The following IGF1R variants were observed in gnomAD, a reference collection of about 807,000 sequenced individuals.
IGF1R encodes insulin like growth factor 1 receptor.
IGF1R carries 44 observed loss-of-function variants against 144.6 expected under a neutral mutation model. The ratio of observed to expected loss-of-function variants is 0.30; its 90% CI spans 0.24 to 0.39. IGF1R has a LOEUF of 0.39. IGF1R is among the 10% of genes least tolerant of loss of function. The pLI is 1.00. For synonymous variants in IGF1R, 795 were observed against 722.8 expected (o/e 1.10, Z -1.60); for missense variants, 1,355 against 1,833.7 (o/e 0.74, Z 4.77).
At chr15:98,888,415 G>T (rs2013742305) in intron 2 of IGF1R, among the ~76,000 whole-genome samples, 2 of 144,792 alleles carry the variant, frequency 1.4e-5, no homozygotes, top group African/African-American at 5.2e-5. Flanking sequence ...TCTTCAAGTG[G>T]GGGTTTGATG....
chr15:98,939,019 G>A (rs1221418387), intron 17 of IGF1R, among the ~76,000 whole-genome samples, 182 bp from the exon 18 acceptor site: 1 of 152,184 alleles, frequency 6.6e-6, no homozygotes, highest in African/African-American at 2.4e-5. Flanking sequence ...TAAGCTTGCG[G>A]GGAGCAAGCA....
intron 1 of IGF1R, among the ~76,000 whole-genome samples, chr15:98,680,606 C>G (rs1467283669): frequency 6.6e-6 from 1 of 152,098 alleles, no homozygotes; most frequent in Non-Finnish European, 1.5e-5. Flanking sequence ...GCTCTGTCAC[C>G]CAAGCTGGAG....
At chr15:98,930,504 A>C (rs1596463987) in intron 15 of IGF1R, among the ~76,000 whole-genome samples, 199 bp downstream of exon 15, 1 of 151,928 alleles carries the variant, frequency 6.6e-6, no homozygotes, top group South Asian at 2.1e-4. Flanking sequence ...ATATGTCAAA[A>C]CTTGTGGGAC....
At chr15:98,840,656 G>A (rs1481611320) in intron 2 of IGF1R, among the ~76,000 whole-genome samples, 2 of 150,140 alleles carry the variant, frequency 1.3e-5, no homozygotes, top group Non-Finnish European at 3.0e-5. Context: ...TTGTCCAGGC[G>A]GGGTTTTTGT....
At chr15:98,921,820 C>T (rs1326453545) in intron 10 of IGF1R, among the ~76,000 whole-genome samples, 1 of 152,104 alleles carries the variant, frequency 6.6e-6, no homozygotes, top group Non-Finnish European at 1.5e-5. Flanking sequence ...GGTCTGTGAC[C>T]AGATGGCCTG....
intron 19 of IGF1R, among the ~76,000 whole-genome samples, chr15:98,944,363 TA>T (rs1195599220): frequency 1.3e-5 from 2 of 152,230 alleles, no homozygotes; most frequent in African/African-American, 4.8e-5. Flanking sequence ...GCTACATAAC[TA>T]CTGTGAACCA....
At position 98,857,570 on chromosome 15, in the gene IGF1R, C is replaced by T. The variant is rs527237303; in HGVS notation, c.641-33755C>T. Among the ~76,000 whole-genome samples, 43 of 152,328 alleles carry T rather than the reference C, an allele frequency of 2.8e-4. No homozygotes were observed. The East Asian group carries it at 7.3e-3, about 26-fold the overall frequency. On this transcript the variant is annotated intron_variant, in intron 2 of 20. Transcript: ENST00000650285. ...CCCAAGGCTCACAGTTCCGTTCTTCCATCTAGTCTAGCACCGTCCAGTGGA... is the reference window on the plus strand; with the variant it reads ...CCCAAGGCTCACAGTTCCGTTCTTCTATCTAGTCTAGCACCGTCCAGTGGA...
chr15:98,764,579 T>G (rs1425557371), intron 2 of IGF1R, among the ~76,000 whole-genome samples: 1 of 152,206 alleles, frequency 6.6e-6, no homozygotes, highest in African/African-American at 2.4e-5. Context: ...ATAAGTACTG[T>G]GAAGCATTTT....
intron 2 of IGF1R, among the ~76,000 whole-genome samples, chr15:98,776,199 T>G (rs1288284018): frequency 6.6e-6 from 1 of 151,714 alleles, no homozygotes; most frequent in Non-Finnish European, 1.5e-5. Context: ...TTTATTTTTT[T>G]TTTGAGATGG....
chr15:98,806,528 C>T (rs936612129), intron 2 of IGF1R, among the ~76,000 whole-genome samples: 8 of 151,866 alleles, frequency 5.3e-5, no homozygotes, highest in African/African-American at 1.9e-4. Context: ...GTAGGAGACT[C>T]TCTCTCTCAT....
At chr15:98,655,948 C>G (rs2052475542) in intron 1 of IGF1R, among the ~76,000 whole-genome samples, 1 of 152,324 alleles carries the variant, frequency 6.6e-6, no homozygotes, top group South Asian at 2.1e-4. Context: ...TCACCTCGGC[C>G]TCCCGGAGGG....
intron 2 of IGF1R, among the ~76,000 whole-genome samples, chr15:98,800,749 AAC>A (rs762382826): frequency 2.7e-4 from 41 of 152,264 alleles, no homozygotes; most frequent in South Asian, 6.2e-4. Context: ...TGTCTTGGAA[AAC>A]ACCGGCACAA....
At position 98,690,442 on chromosome 15, in the gene IGF1R, C is replaced by T. The variant is rs1011183157; in HGVS notation, c.95-17120C>T. On this transcript the variant is annotated intron_variant, in intron 1 of 20. Coordinates refer to ENST00000650285, the MANE Select transcript of IGF1R (RefSeq NM_000875.5). ...TCCTCTCCTCTGACTCTTCCTTCTT[C>T]CCCCCTGCTTCCCAAGGGTAAGCTT... is the stretch of plus-strand genomic sequence containing the variant. 7.2e-5 allele frequency among the ~76,000 whole-genome samples: 11 copies of T among 152,224 alleles called. No homozygotes were observed. The Admixed American group carries it at 7.2e-4, about 10-fold the overall frequency.
intron 2 of IGF1R, among the ~76,000 whole-genome samples, chr15:98,860,369 G>A (rs1257224496): frequency 6.6e-6 from 1 of 152,238 alleles, no homozygotes; most frequent in East Asian, 1.9e-4. Context: ...TGAACTCCGT[G>A]AAAGCAGGAG....
In IGF1R at chr15:98,958,128, A is replaced by T; in HGVS notation, c.*686A>T. 1 of 233,638 alleles carries T rather than the reference A, an allele frequency of 4.3e-6. No individual in the cohort carries two copies. The highest frequency in any genetic ancestry group is 8.5e-6 in the Non-Finnish European group (1 of 118,146). The allele number at this position is 233,638 out of a possible 1,614,324, so 14.5% of individuals were successfully genotyped here. ...CAGCTGGTTGCTCCATTTGAGAGAC[A>T]CGCTGGCGACACACTCCGTCCATCC... On this transcript the variant is annotated 3_prime_UTR_variant, in exon 21 of 21. Coordinates refer to ENST00000650285, the MANE Select transcript of IGF1R (RefSeq NM_000875.5).
Position 98,828,799 on chromosome 15 carries a change from T to G in IGF1R, c.641-62526T>G, listed in dbSNP as rs2056948174. Among the ~76,000 whole-genome samples the G allele has an allele frequency of 5.3e-5, 8 of 151,720 alleles. No individual in the cohort carries two copies. In the South Asian group the frequency reaches 1.7e-3, roughly 32 times the overall value. ...GTTTTTTTTTTTTTTTTTTTCCTAT[T>G]TTGGAGTTTTTGGGTTTTTTAAGCC... On this transcript the variant is annotated intron_variant, in intron 2 of 20. Transcript: ENST00000650285.
intron 2 of IGF1R, among the ~76,000 whole-genome samples, chr15:98,733,360 A>G (rs1338281306): frequency 6.6e-6 from 1 of 152,070 alleles, no homozygotes; most frequent in Non-Finnish European, 1.5e-5. Flanking sequence ...GGTTGGGACT[A>G]TAGGTGCATA....
intron 2 of IGF1R, among the ~76,000 whole-genome samples, chr15:98,861,025 T>TTCCC (rs369235208): frequency 3.0e-3 from 452 of 151,950 alleles, no homozygotes; most frequent in African/African-American, 4.9e-3. Flanking sequence ...TTTCTTTTTC[T>TTCCC]TCCCTCCCTC....
At chr15:98,812,287 T>C (rs1412851450) in intron 2 of IGF1R, among the ~76,000 whole-genome samples, 2 of 152,124 alleles carry the variant, frequency 1.3e-5, no homozygotes, top group African/African-American at 4.8e-5. Flanking sequence ...CTTGAACTCT[T>C]TCTTGTGCCC....
Sources: allele counts gnomAD v4.1 joint callset (sites outside exome capture counted in the v4.1 genomes callset), GRCh38; gene constraint gnomAD v4.1.1; transcripts MANE v1.5; gene names NCBI Gene and HGNC (gene_info 2026-07-23, HGNC 2026-07-21).